Variants in SERINC5 observed in about 807,000 individuals in gnomAD.
SERINC5 encodes the protein serine incorporator 5, also known as chromosome 5 open reading frame 12.
A neutral mutation model predicts 63.1 loss-of-function variants in SERINC5; 41 were observed. The observed-to-expected ratio is 0.65, with a 90% CI of 0.51 to 0.84. SERINC5 has a LOEUF of 0.84. Among genes scored for constraint, SERINC5 ranks in the 40% least tolerant of loss-of-function variants. The pLI is 0.00. For missense variants in SERINC5, 523 were observed against 573.0 expected, an observed-to-expected ratio of 0.91 and a Z score of 0.89; for synonymous variants, 222 against 215.2, an observed-to-expected ratio of 1.03 and a Z score of -0.28.
chr5:80,198,031 G>T (rs1749615480), intron 2 of SERINC5, among the ~76,000 whole-genome samples: 1 of 151,936 alleles, frequency 6.6e-6, no homozygotes, highest in South Asian at 2.1e-4. Context: ...GTAGAGATGG[G>T]GTTTCACCAT....
At chr5:80,149,712 T>C (rs1221252340) in intron 9 of SERINC5, among the ~76,000 whole-genome samples, 1 of 152,176 alleles carries the variant, frequency 6.6e-6, no homozygotes, top group Non-Finnish European at 1.5e-5. Context: ...CTCTGTAAAA[T>C]GGAGGTAATA....
chr5:80,142,252 T>C lies in SERINC5; in HGVS notation c.*1411A>G. 1.0e-6 allele frequency: 1 copy of C among 985,462 alleles called. No homozygotes were observed. The highest frequency in any genetic ancestry group is 1.2e-6 in the Non-Finnish European group (1 of 829,946). The allele number at this position is 985,462 out of a possible 1,614,324, so 61.0% of individuals were successfully genotyped here. On this transcript the variant is annotated 3_prime_UTR_variant, in exon 12 of 12. Transcript: ENST00000507668. ...GGGTAGCTGCCGAAAGTCACGTTTC[T>C]GTATTACTTTGCAAGTACGTATTTT...
chr5:80,196,708 G>A (rs2112474024), intron 2 of SERINC5, among the ~76,000 whole-genome samples: 1 of 152,302 alleles, frequency 6.6e-6, no homozygotes, highest in Non-Finnish European at 1.5e-5. Context: ...GGAGGCCAAG[G>A]CGGGCAGATC....
intron 8 of SERINC5, among the ~76,000 whole-genome samples, chr5:80,153,651 G>A (rs970337697): frequency 2.6e-5 from 4 of 151,944 alleles, no homozygotes; most frequent in East Asian, 1.9e-4. Flanking sequence ...AGTATTTCCC[G>A]TGGGGATAGG....
At chr5:80,222,561 A>AGTGTGAGTGTGTGT (rs1554070043) in intron 1 of SERINC5, among the ~76,000 whole-genome samples, 20 of 146,216 alleles carry the variant, frequency 1.4e-4, no homozygotes, top group Admixed American at 1.4e-4. Flanking sequence ...TGAGTGTGTG[A>AGTGTGAGTGTGTGT]GTGTGTGAGT....
chr5:80,125,853 T>A (rs1744728069), intron 11 of SERINC5, among the ~76,000 whole-genome samples: 1 of 152,294 alleles, frequency 6.6e-6, no homozygotes, highest in African/African-American at 2.4e-5. Flanking sequence ...AAAATAGATG[T>A]AAATAAAGTT....
At chr5:80,126,139 A>T (rs576274358) in intron 11 of SERINC5, among the ~76,000 whole-genome samples, 1 of 152,344 alleles carries the variant, frequency 6.6e-6, no homozygotes, top group South Asian at 2.1e-4. Context: ...AAACGAGAGG[A>T]GAAGGAGGAA....
chr5:80,161,448 G>T (rs746658133), intron 7 of SERINC5, among the ~76,000 whole-genome samples: 1 of 152,012 alleles, frequency 6.6e-6, no homozygotes, highest in Non-Finnish European at 1.5e-5. Flanking sequence ...CTGATGATTA[G>T]CAATGTTGAG....
At chr5:80,196,370 G>T (rs1177511225) in intron 2 of SERINC5, among the ~76,000 whole-genome samples, 2 of 152,150 alleles carry the variant, frequency 1.3e-5, no homozygotes, top group East Asian at 3.8e-4. Flanking sequence ...TTAAGTGTTG[G>T]TGAGGGTGTG....
At chr5:80,255,519 G>A (rs1752620641) in intron 1 of SERINC5, among the ~76,000 whole-genome samples, 1 of 152,132 alleles carries the variant, frequency 6.6e-6, no homozygotes, top group African/African-American at 2.4e-5. Context: ...TTTCTTCCTG[G>A]ATTCATCCGA....
At chr5:80,170,064 C>T (rs1314419224) in intron 5 of SERINC5, among the ~76,000 whole-genome samples, 2 of 152,114 alleles carry the variant, frequency 1.3e-5, no homozygotes, top group Admixed American at 1.3e-4. Flanking sequence ...GAGATTTTAA[C>T]TAGTGCCCAG....
intron 7 of SERINC5, among the ~76,000 whole-genome samples, chr5:80,160,988 ATATG>A (rs1268566332): frequency 1.4e-4 from 21 of 148,228 alleles, no homozygotes; most frequent in African/African-American, 4.1e-4. Flanking sequence ...ATATGTGTGT[ATATG>A]TATATATATA....
In SERINC5 at chr5:80,139,148, A is replaced by T. The variant is rs1162268312; in HGVS notation, c.*4515T>A. 1 of 985,110 alleles carries T rather than the reference A, an allele frequency of 1.0e-6. No homozygotes were observed. The highest frequency in any genetic ancestry group is 1.2e-6 in the Non-Finnish European group (1 of 829,726). 61.0% of individuals were successfully genotyped at this position (985,110 alleles called of 1,614,324 possible). ...TTCTAATGTAGCAAAACGTAACCAC[A>T]TAATTTGGCTACAGCTAATCGTTTC... On this transcript the variant is annotated 3_prime_UTR_variant, in exon 12 of 12. Transcript: ENST00000507668.
intron 2 of SERINC5, chr5:80,198,656 A>C: frequency 5.1e-6 from 5 of 985,410 alleles, no homozygotes; most frequent in Non-Finnish European, 4.8e-6. Context: ...GCAGGAGCCC[A>C]GTGTGCGTCC....
At chr5:80,219,490 C>T (rs898510495) in intron 1 of SERINC5, among the ~76,000 whole-genome samples, 1 of 152,144 alleles carries the variant, frequency 6.6e-6, no homozygotes, top group Non-Finnish European at 1.5e-5. Flanking sequence ...GTGCCTTTCC[C>T]CCAAACAAAT....
Position 80,166,448 on chromosome 5 carries a change from CCT to C in SERINC5, c.792_793del (p.Val266HisfsTer24). ...GTAGGTGACATAGCAGCTTATGACC[CCT>C]GATTGTAAGAGCCCCGAGTGTGGCT... On this transcript the variant is annotated frameshift_variant, in exon 7 of 12. Coordinates refer to ENST00000507668, the MANE Select transcript of SERINC5 (RefSeq NM_001174072.3). LOFTEE classifies it high-confidence loss of function. 1.9e-6 allele frequency: 3 copies of C among 1,595,166 alleles called. No homozygotes were observed. Among genetic ancestry groups the C allele is most frequent in the Non-Finnish European group, 2.6e-6 (3 of 1,170,764 alleles).
intron 11 of SERINC5, among the ~76,000 whole-genome samples, chr5:80,144,269 G>A (rs1337085039): frequency 6.6e-6 from 1 of 152,156 alleles, no homozygotes; most frequent in Non-Finnish European, 1.5e-5. Context: ...ATGGTCATTT[G>A]GGATGTTTCC....
At chr5:80,122,318 CG>C (rs1744582853) in intron 11 of SERINC5, among the ~76,000 whole-genome samples, 1 of 151,794 alleles carries the variant, frequency 6.6e-6, no homozygotes, top group Admixed American at 6.6e-5. Context: ...GCATCCAGCA[CG>C]GGAGAAAGAT....
chr5:80,121,553 T>C (rs1192173563), intron 11 of SERINC5, among the ~76,000 whole-genome samples: 1 of 151,948 alleles, frequency 6.6e-6, no homozygotes, highest in Non-Finnish European at 1.5e-5. Context: ...GGAGGGGCCA[T>C]CTAAACTATA....
Sources: gnomAD v4.1 joint callset for allele counts (sites outside exome capture counted in the v4.1 genomes callset) on GRCh38, gnomAD v4.1.1 for gene constraint, MANE v1.5 for transcripts, NCBI Gene and HGNC (gene_info 2026-07-23, HGNC 2026-07-21) for gene names.